Variants in TBC1D22A observed in about 807,000 individuals in gnomAD.
The protein encoded by TBC1D22A is putative GTPase activator.
TBC1D22A carries 38 observed loss-of-function variants against 60.2 expected under a neutral mutation model. The ratio of observed to expected loss-of-function variants is 0.63; its 90% CI spans 0.49 to 0.83. The LOEUF (loss-of-function observed/expected upper bound fraction) is 0.83. Among genes scored for constraint, TBC1D22A ranks in the 40% least tolerant of loss-of-function variants. The pLI, the probability that TBC1D22A is intolerant of heterozygous loss-of-function variation, is 0.00. For synonymous variants in TBC1D22A, 302 were observed against 281.7 expected, an observed-to-expected ratio of 1.07 and a Z score of -0.72; for missense variants, 628 against 701.0, an observed-to-expected ratio of 0.90 and a Z score of 1.18.
chr22:47,124,287 G>A (rs779219051), intron 12 of TBC1D22A, among the ~76,000 whole-genome samples: 14 of 152,202 alleles, frequency 9.2e-5, no homozygotes, highest in Non-Finnish European at 1.3e-4. Flanking sequence ...AGGGAAGGGC[G>A]CCGTGGGAGC....
chr22:46,954,094 T>C (rs1205976999), intron 8 of TBC1D22A, among the ~76,000 whole-genome samples: 4 of 152,222 alleles, frequency 2.6e-5, no homozygotes, highest in Non-Finnish European at 4.4e-5. Flanking sequence ...GTTAAAATGC[T>C]GTTACCACAG....
chr22:47,027,543 C>T (rs1332977049), intron 10 of TBC1D22A, among the ~76,000 whole-genome samples: 2 of 152,102 alleles, frequency 1.3e-5, no homozygotes, highest in African/African-American at 4.8e-5. Flanking sequence ...CCTTTGAATC[C>T]TCATGGCTTA....
At chr22:46,781,699 C>G (rs1489482996) in intron 1 of TBC1D22A, among the ~76,000 whole-genome samples, 1 of 152,148 alleles carries the variant, frequency 6.6e-6, no homozygotes, top group Non-Finnish European at 1.5e-5. Context: ...CTCTGCCGGC[C>G]CCTCCCTGGC....
intron 8 of TBC1D22A, among the ~76,000 whole-genome samples, chr22:46,935,164 A>G (rs2071572821): frequency 6.6e-6 from 1 of 152,148 alleles, no homozygotes. Flanking sequence ...AAGTGGCCTT[A>G]AGAAGGTACA....
chr22:46,953,751 T>G (rs890623801), intron 8 of TBC1D22A, among the ~76,000 whole-genome samples: 1 of 152,222 alleles, frequency 6.6e-6, no homozygotes, highest in African/African-American at 2.4e-5. Flanking sequence ...GTCCATGGCT[T>G]AGGATTTGAT....
At chr22:46,848,554 C>T (rs1226545306) in intron 4 of TBC1D22A, among the ~76,000 whole-genome samples, 2 of 152,220 alleles carry the variant, frequency 1.3e-5, no homozygotes, top group African/African-American at 4.8e-5. Flanking sequence ...CGTTTGCAGC[C>T]CCTCTGTCAG....
At chr22:46,953,556 C>CT (rs773502284) in intron 8 of TBC1D22A, among the ~76,000 whole-genome samples, 1 of 151,952 alleles carries the variant, frequency 6.6e-6, no homozygotes, top group Non-Finnish European at 1.5e-5. Flanking sequence ...GCCTGAAGAA[C>CT]TTTAACACTT....
chr22:47,140,683 G>A (rs2067050396), intron 12 of TBC1D22A, among the ~76,000 whole-genome samples: 1 of 152,378 alleles, frequency 6.6e-6, no homozygotes, highest in East Asian at 1.9e-4. Context: ...GGGGATGCCT[G>A]CCCCTGCCTT....
intron 11 of TBC1D22A, among the ~76,000 whole-genome samples, chr22:47,076,574 C>A (rs937404664): frequency 6.6e-6 from 1 of 151,844 alleles, no homozygotes; most frequent in African/African-American, 2.4e-5. Context: ...ATAAATCTGG[C>A]AGATTGGAGT....
At chr22:47,012,472 C>G (rs2061780247) in intron 10 of TBC1D22A, among the ~76,000 whole-genome samples, 1 of 152,222 alleles carries the variant, frequency 6.6e-6, no homozygotes, top group African/African-American at 2.4e-5. Context: ...GTCCTGGGCC[C>G]TCGGAATCAT....
rs377499678 is a variant in TBC1D22A, at chr22:46,941,398, TACACAGAATATATATACGGAATATAC to T, written c.1015+29213_1015+29238del. ...ACAGAATATATATACGGAATATATATACACAGAATATATATACGGAATATACACGGAATATATATACACGGAATATA... is the reference window on the plus strand; with the variant it reads ...ACAGAATATATATACGGAATATATATACGGAATATATATACACGGAATATA... On this transcript the variant is annotated intron_variant, in intron 8 of 12. Transcript: ENST00000337137. Among the ~76,000 whole-genome samples, 47 of 80,914 alleles carry T rather than the reference TACACAGAATATATATACGGAATATAC, an allele frequency of 5.8e-4. 2 individuals are homozygous for T. Among genetic ancestry groups the T allele is most frequent in the Non-Finnish European group, 8.5e-4 (35 of 40,970 alleles). The allele number at this position is 80,914 out of a possible 152,430, so 53.1% of individuals were successfully genotyped here.
intron 10 of TBC1D22A, among the ~76,000 whole-genome samples, chr22:47,023,503 G>A (rs1027481691): frequency 6.6e-6 from 1 of 152,172 alleles, no homozygotes; most frequent in Non-Finnish European, 1.5e-5. Flanking sequence ...GTGAATGAAT[G>A]CCAACCGAGC....
At chr22:47,002,183 A>G (rs2061428735) in intron 10 of TBC1D22A, among the ~76,000 whole-genome samples, 1 of 152,264 alleles carries the variant, frequency 6.6e-6, no homozygotes, top group African/African-American at 2.4e-5. Context: ...ACACGATGAG[A>G]TTTCCACTCC....
chr22:47,086,840 G>T (rs1239309425), intron 11 of TBC1D22A, among the ~76,000 whole-genome samples: 2 of 152,224 alleles, frequency 1.3e-5, no homozygotes. Context: ...CTGGACAACT[G>T]TTGGCCCAGG....
intron 11 of TBC1D22A, among the ~76,000 whole-genome samples, chr22:47,049,050 T>G (rs908876330): frequency 2.0e-4 from 30 of 152,250 alleles, no homozygotes; most frequent in South Asian, 8.3e-4. Context: ...TCTCCAGGTT[T>G]CCAGTCCAAT....
intron 5 of TBC1D22A, among the ~76,000 whole-genome samples, chr22:46,885,790 G>T (rs1284840260): frequency 6.6e-6 from 1 of 152,160 alleles, no homozygotes; most frequent in African/African-American, 2.4e-5. Context: ...AGTGAAAGAG[G>T]CCTGATTCTG....
In TBC1D22A at chr22:47,111,488, G is replaced by GGTTA; in HGVS notation, c.1330-19_1330-16dup. 1 of 1,607,238 alleles carries GGTTA rather than the reference G, an allele frequency of 6.2e-7. No homozygotes were observed. Among genetic ancestry groups the GGTTA allele is most frequent in the South Asian group, 1.1e-5 (1 of 89,682 alleles). On this transcript the variant is annotated intron_variant, in intron 11 of 12. Transcript: ENST00000337137. ...GGTCACGCGTTACAATTTCTCTCTT[G>GGTTA]GTTATTTTTTCTCTTTTAGTCTGAA... is the stretch of plus-strand genomic sequence containing the variant.
intron 11 of TBC1D22A, among the ~76,000 whole-genome samples, chr22:47,103,464 G>C (rs1247658071): frequency 6.6e-6 from 1 of 152,196 alleles, no homozygotes; most frequent in Non-Finnish European, 1.5e-5. Context: ...GGCTGCAAAG[G>C]GTTGGAATAC....
At chr22:47,055,452 A>G (rs1344167426) in intron 11 of TBC1D22A, among the ~76,000 whole-genome samples, 1 of 152,216 alleles carries the variant, frequency 6.6e-6, no homozygotes, top group Non-Finnish European at 1.5e-5. Flanking sequence ...TTACTGTGTT[A>G]ATACACACCC....
Sources: gnomAD v4.1 joint callset for allele counts (sites outside exome capture counted in the v4.1 genomes callset) on GRCh38, gnomAD v4.1.1 for gene constraint, MANE v1.5 for transcripts, NCBI Gene and HGNC (gene_info 2026-07-23, HGNC 2026-07-21) for gene names.